Variants in UNC5C observed in about 807,000 individuals in gnomAD.
The protein encoded by UNC5C is netrin receptor UNC5C.
A neutral mutation model predicts 99.8 loss-of-function variants in UNC5C; 47 were observed. That is an observed-to-expected ratio of 0.47 (90% confidence interval 0.37 to 0.60). UNC5C has a LOEUF of 0.60. Among genes scored for constraint, UNC5C ranks in the 20% least tolerant of loss-of-function variants. The pLI, the probability that UNC5C is intolerant of heterozygous loss-of-function variation, is 0.00. For missense variants in UNC5C, 1,062 were observed against 1,165.9 expected, an observed-to-expected ratio of 0.91 and a Z score of 1.30; for synonymous variants, 487 against 452.2, an observed-to-expected ratio of 1.08 and a Z score of -0.98.
chr4:95,357,926 G>A (rs966673076), intron 1 of UNC5C, among the ~76,000 whole-genome samples: 3 of 152,212 alleles, frequency 2.0e-5, no homozygotes, highest in Non-Finnish European at 2.9e-5. Context: ...ACAGATAAAT[G>A]GGATAATGCT....
At chr4:95,185,920 C>G (rs1321860375) in intron 12 of UNC5C, among the ~76,000 whole-genome samples, 1 of 152,210 alleles carries the variant, frequency 6.6e-6, no homozygotes, top group African/African-American at 2.4e-5. Context: ...ATTTTTGTTT[C>G]TCGAGAATTG....
chr4:95,545,089 G>A (rs1723022875), intron 1 of UNC5C, among the ~76,000 whole-genome samples: 1 of 152,200 alleles, frequency 6.6e-6, no homozygotes, highest in Admixed American at 6.5e-5. Flanking sequence ...CCTTGTTCAT[G>A]TCCTTAGGGG....
At chr4:95,416,852 C>T (rs541462997) in intron 1 of UNC5C, among the ~76,000 whole-genome samples, 1 of 152,106 alleles carries the variant, frequency 6.6e-6, no homozygotes, top group South Asian at 2.1e-4. Context: ...AGCAGAGTGC[C>T]CATCCTGTCA....
intron 1 of UNC5C, among the ~76,000 whole-genome samples, chr4:95,344,759 G>A (rs1447271735): frequency 6.6e-6 from 1 of 152,030 alleles, no homozygotes; most frequent in Non-Finnish European, 1.5e-5. Flanking sequence ...ACAAGTCAGT[G>A]TTAAGTTGTC....
At chr4:95,375,627 C>A (rs1744871035) in intron 1 of UNC5C, among the ~76,000 whole-genome samples, 1 of 152,068 alleles carries the variant, frequency 6.6e-6, no homozygotes, top group African/African-American at 2.4e-5. Flanking sequence ...ATTAGAAGAA[C>A]AATTTTCTAA....
At chr4:95,546,771 T>C (rs1723080959) in intron 1 of UNC5C, among the ~76,000 whole-genome samples, 1 of 152,218 alleles carries the variant, frequency 6.6e-6, no homozygotes, top group Non-Finnish European at 1.5e-5. Context: ...TATTAATCCA[T>C]TTACAATCTG....
chr4:95,370,141 T>G (rs976746036), intron 1 of UNC5C, among the ~76,000 whole-genome samples: 1 of 152,186 alleles, frequency 6.6e-6, no homozygotes, highest in African/African-American at 2.4e-5. Context: ...TTATCCAAAC[T>G]GAGATGTGGC....
chr4:95,327,945 T>A (rs912434688), intron 2 of UNC5C, among the ~76,000 whole-genome samples: 1 of 151,718 alleles, frequency 6.6e-6, no homozygotes, highest in Non-Finnish European at 1.5e-5. Flanking sequence ...TTCACGGAGC[T>A]GTTAACATTT....
At chr4:95,276,857 TA>T (rs948491550) in intron 4 of UNC5C, among the ~76,000 whole-genome samples, 5 of 150,992 alleles carry the variant, frequency 3.3e-5, no homozygotes, top group East Asian at 1.9e-4. Context: ...TCTTTCAAAG[TA>T]AAAAAAAAGG....
intron 12 of UNC5C, among the ~76,000 whole-genome samples, chr4:95,196,153 T>A (rs1737372776): frequency 6.6e-6 from 1 of 152,204 alleles, no homozygotes; most frequent in South Asian, 2.1e-4. Context: ...TAGGTGTTTT[T>A]AAACTTACTC....
chr4:95,408,092 C>T (rs956210596), intron 1 of UNC5C, among the ~76,000 whole-genome samples: 3 of 151,938 alleles, frequency 2.0e-5, no homozygotes, highest in Non-Finnish European at 4.4e-5. Context: ...AAAGTAATTC[C>T]ATTATGTTGT....
At chr4:95,210,440 G>A (rs1738038362) in intron 10 of UNC5C, among the ~76,000 whole-genome samples, 1 of 152,148 alleles carries the variant, frequency 6.6e-6, no homozygotes, top group Admixed American at 6.5e-5. Flanking sequence ...AGGTCAGAGT[G>A]TGTAACACAT....
At chr4:95,389,256 G>A (rs1431451902) in intron 1 of UNC5C, among the ~76,000 whole-genome samples, 1 of 152,148 alleles carries the variant, frequency 6.6e-6, no homozygotes, top group East Asian at 1.9e-4. Context: ...TCACAGTTAA[G>A]GCAATTTCCC....
intron 1 of UNC5C, among the ~76,000 whole-genome samples, chr4:95,396,920 G>A (rs1476061284): frequency 1.1e-4 from 16 of 151,866 alleles, no homozygotes; most frequent in Admixed American, 8.5e-4. Context: ...TTTACAGGTA[G>A]GGGAATCAAA....
At chr4:95,506,876 A>G (rs1171266333) in intron 1 of UNC5C, among the ~76,000 whole-genome samples, 1 of 151,774 alleles carries the variant, frequency 6.6e-6, no homozygotes, top group Admixed American at 6.6e-5. Context: ...TTGAGGGTAC[A>G]TTTGATTTTA....
intron 1 of UNC5C, among the ~76,000 whole-genome samples, chr4:95,520,592 T>C (rs1453015423): frequency 7.3e-6 from 1 of 136,066 alleles, no homozygotes; most frequent in Admixed American, 8.5e-5. Flanking sequence ...AAAAACTATC[T>C]AGTATTTTTT....
At chr4:95,505,130 G>T (rs771839161) in intron 1 of UNC5C, among the ~76,000 whole-genome samples, 1 of 151,990 alleles carries the variant, frequency 6.6e-6, no homozygotes, top group African/African-American at 2.4e-5. Flanking sequence ...TAACTGGTCC[G>T]TTATCAGAAT....
intron 1 of UNC5C, among the ~76,000 whole-genome samples, chr4:95,538,589 T>C (rs1722836669): frequency 6.6e-6 from 1 of 152,202 alleles, no homozygotes; most frequent in South Asian, 2.1e-4. Flanking sequence ...CATATTTCAC[T>C]ATGAAAACCC....
chr4:95,359,299 A>G (rs1744309275), intron 1 of UNC5C, among the ~76,000 whole-genome samples: 2 of 152,202 alleles, frequency 1.3e-5, no homozygotes, highest in South Asian at 4.1e-4. Flanking sequence ...CATTGTACAA[A>G]TAAACAGAAA....
Sources: gnomAD v4.1 joint callset for allele counts (sites outside exome capture counted in the v4.1 genomes callset) on GRCh38, gnomAD v4.1.1 for gene constraint, MANE v1.5 for transcripts, NCBI Gene and HGNC (gene_info 2026-07-23, HGNC 2026-07-21) for gene names.